The following RGL2 variants were observed in gnomAD, a reference collection of about 807,000 sequenced individuals.
RGL2 encodes ral guanine nucleotide dissociation stimulator like 2, also known as ral guanine nucleotide dissociation stimulator-like 2.
Under a neutral mutation model 84.6 loss-of-function variants are expected in RGL2, and 40 were observed. That is an observed-to-expected ratio of 0.47 (90% CI 0.37 to 0.62). The LOEUF (loss-of-function observed/expected upper bound fraction) is 0.62. Among genes scored for constraint, RGL2 ranks in the 20% least tolerant of loss-of-function variants. The probability of loss-of-function intolerance (pLI) is 0.00; values close to 1 mark genes in which losing one functional copy is unlikely to be tolerated. For missense variants in RGL2, 865 were observed against 1,019.7 expected (o/e 0.85, Z 2.07); for synonymous variants, 369 against 417.3 (o/e 0.88, Z 1.41).
chr6:33,292,663 GAA>G, intron 16 of RGL2, 119 bp from the exon 17 acceptor site: 2 of 876,982 alleles, frequency 2.3e-6, no homozygotes, highest in Non-Finnish European at 3.7e-6. Context: ...AAATGAACAG[GAA>G]AACCCAATAT....
chr6:33,299,501 G>T (rs1279751395), upstream of RGL2, among the ~76,000 whole-genome samples: 1 of 152,094 alleles, frequency 6.6e-6, no homozygotes, highest in African/African-American at 2.4e-5. This position sits in a 1 kb window ranked among gnomAD's most constrained non-coding sequence, Gnocchi z 5.0. Context: ...CGCCGAGACC[G>T]AGATCCCCGT....
upstream of RGL2, chr6:33,301,028 A>G (rs1398761766): frequency 6.6e-6 from 1 of 151,836 alleles, no homozygotes; most frequent in East Asian, 1.9e-4. Context: ...GGAGTTTTTC[A>G]GAAGCTACAT....
Position 33,294,650 on chromosome 6 carries a change from G to A in RGL2, c.1353+38C>T. On this transcript the variant is annotated intron_variant, in intron 11 of 17. Transcript: ENST00000497454. The surrounding 1 kb of genome is among the most constrained non-coding windows in gnomAD (Gnocchi z 5.0). The stretch of plus-strand genomic sequence containing the variant: ...GTCTGTCCGACCCTGCAGCCCACTT[G>A]TTACATCATTGCAATGACACACACA... 2 of 1,610,946 alleles carry A rather than the reference G, an allele frequency of 1.2e-6. No individual in the cohort carries two copies. Among genetic ancestry groups the A allele is most frequent in the Non-Finnish European group, 1.7e-6 (2 of 1,177,828 alleles).
At position 33,293,155 on chromosome 6, in the gene RGL2, G is replaced by C; in HGVS notation, c.1868C>G (p.Pro623Arg). The C allele has an allele frequency of 6.2e-7, 1 of 1,609,768 alleles. No individual in the cohort carries two copies. Residue 623 changes from proline (P) to arginine (R), a missense_variant, in exon 16 of 18, where the codon CCG becomes CGG. By Grantham distance (103) the Pro-to-Arg change is moderately radical. Coordinates refer to ENST00000497454, the MANE Select transcript of RGL2 (RefSeq NM_004761.5). The surrounding 1 kb of genome is among the most constrained non-coding windows in gnomAD (Gnocchi z 7.0). ...GHRRSASCGS[P>R]LSGGAEEASG... The stretch of plus-strand genomic sequence containing the variant: ...GGCCTCTTCTGCACCCCCACTCAGC[G>C]GGGAGCCACAGGAGGCTGAGCGGCG...
rs780789050 is a variant in RGL2 at position 33,296,320 on chromosome 6, G to A, written c.476C>T (p.Ala159Val). Residue 159 changes from alanine to valine, a missense_variant, in exon 6 of 18, where the codon GCC becomes GTC. Physicochemically the swap from Ala to Val is moderately conservative, Grantham distance 64. This residue lies in a region of RGL2 where 455 missense variants were observed against 507.8 expected (regional missense o/e 0.90). Coordinates refer to ENST00000497454, the MANE Select transcript of RGL2 (RefSeq NM_004761.5). This position sits in a 1 kb window ranked among gnomAD's most constrained non-coding sequence, Gnocchi z 5.0. ...CAGCCAGGTTGACAGTACAGAGATGGCTACCCTGGGAGAAGGGAATCAGCC... is the reference window on the plus strand; with the variant it reads ...CAGCCAGGTTGACAGTACAGAGATGACTACCCTGGGAGAAGGGAATCAGCC... The part of the protein sequence containing the change: ...TDELERTTEV[A>V]ISVLSTWLAS... 3.1e-6 allele frequency: 5 copies of A among 1,610,524 alleles called. No individual in the cohort carries two copies. The African/African-American group carries it at 6.7e-5, about 22-fold the overall frequency.
chr6:33,300,014 GGAAT>G (rs1768428672), upstream of RGL2: 1 of 153,940 alleles, frequency 6.5e-6, no homozygotes, highest in East Asian at 1.9e-4. Context: ...CGGTCTGCGG[GGAAT>G]GACGAGGCCG....
rs1384247684 is a variant in RGL2 at position 33,296,461 on chromosome 6, C to T, written c.423G>A (p.Leu141=). 6.2e-6 allele frequency: 10 copies of T among 1,608,048 alleles called. No individual in the cohort carries two copies. In the African/African-American group the frequency reaches 1.2e-4, roughly 19 times the overall value. Residue 141 remains leucine, a synonymous_variant, in exon 5 of 18, where the codon CTG becomes CTA. Coordinates refer to ENST00000497454, the MANE Select transcript of RGL2 (RefSeq NM_004761.5). The surrounding 1 kb of genome is among the most constrained non-coding windows in gnomAD (Gnocchi z 5.0). ...PALLGLMADR[L]EALESHPTDE... ...CGGTAGGATGAGATTCAAGGGCTTC[C>T]AGCCTGAGGGGGAGAAGAGGATCTA...
intron 16 of RGL2, 47 bp from the exon 17 acceptor site, chr6:33,292,591 C>A: frequency 6.8e-7 from 1 of 1,467,782 alleles, no homozygotes; most frequent in Non-Finnish European, 9.6e-7. Flanking sequence ...CCATGATTTC[C>A]CATCCTTCTA....
At position 33,293,462 on chromosome 6, in the gene RGL2, C is replaced by G. The variant is rs372750774; in HGVS notation, c.1667G>C (p.Gly556Ala). ...LVSCDRPSTG[G>A]DEAPTTPAPL... ...AGCAGGAGTTGTAGGCGCCTCATCT[C>G]CCCCAGTACTGGGCCGGTCACAGGA... Residue 556 changes from glycine (G) to alanine (A), a missense_variant, in exon 15 of 18, where the codon GGA becomes GCA. Physicochemically the swap from Gly to Ala is moderately conservative, Grantham distance 60. Coordinates refer to ENST00000497454, the MANE Select transcript of RGL2 (RefSeq NM_004761.5). The surrounding 1 kb of genome is among the most constrained non-coding windows in gnomAD (Gnocchi z 7.0). 6.2e-7 allele frequency: 1 copy of G among 1,614,070 alleles called. No homozygotes were observed. Among genetic ancestry groups the G allele is most frequent in the South Asian group, 1.1e-5 (1 of 91,074 alleles).
In RGL2 at chr6:33,295,912, A is replaced by C. The variant is rs1767899500; in HGVS notation, c.768+116T>G. 1 of 1,438,332 alleles carries C rather than the reference A, an allele frequency of 7.0e-7. No homozygotes were observed. The allele number at this position is 1,438,332 out of a possible 1,614,324, so 89.1% of individuals were successfully genotyped here. ...GGGAAAAGGGGAGAATCAAAATGGT[A>C]GGTGGAGGAGGCTAGGAGCTGGATC... On this transcript the variant is annotated intron_variant, in intron 6 of 17. Coordinates refer to ENST00000497454, the MANE Select transcript of RGL2 (RefSeq NM_004761.5). This position sits in a 1 kb window ranked among gnomAD's most constrained non-coding sequence, Gnocchi z 7.2.
chr6:33,295,954 A>C lies in RGL2; in HGVS notation c.768+74T>G. 6.4e-7 allele frequency: 1 copy of C among 1,564,614 alleles called. No homozygotes were observed. Among genetic ancestry groups the C allele is most frequent in the Non-Finnish European group, 8.8e-7 (1 of 1,141,920 alleles). The stretch of plus-strand genomic sequence containing the variant: ...AGCTGGATCAGGAAGGGGTGGAAGC[A>C]AGGAAAGGATCTGGAGTCAAGGAGA... On this transcript the variant is annotated intron_variant, in intron 6 of 17. Transcript: ENST00000497454. The surrounding 1 kb of genome is among the most constrained non-coding windows in gnomAD (Gnocchi z 7.2).
In RGL2 at chr6:33,298,617, G is replaced by A; in HGVS notation, c.-7C>T. ...GCAGGGGCCGCGGGAGCATGGCCGAGTGAAGGAATCAGCGGGGTCGGGCCA... is the reference window on the plus strand; with the variant it reads ...GCAGGGGCCGCGGGAGCATGGCCGAATGAAGGAATCAGCGGGGTCGGGCCA... On this transcript the variant is annotated 5_prime_UTR_variant, in exon 2 of 18. Coordinates refer to ENST00000497454, the MANE Select transcript of RGL2 (RefSeq NM_004761.5). The surrounding 1 kb of genome is among the most constrained non-coding windows in gnomAD (Gnocchi z 4.8). 6 of 1,446,836 alleles carry A rather than the reference G, an allele frequency of 4.1e-6. No homozygotes were observed. Among genetic ancestry groups the A allele is most frequent in the Non-Finnish European group, 5.5e-6 (6 of 1,099,360 alleles). The allele number at this position is 1,446,836 out of a possible 1,614,324, so 89.6% of individuals were successfully genotyped here. A position where few individuals can be genotyped will look rare whatever the true frequency, so the allele number is the denominator to read the frequency against.
In RGL2 at chr6:33,295,959, A is replaced by C; in HGVS notation, c.768+69T>G. The C allele has an allele frequency of 6.4e-7, 1 of 1,571,222 alleles. No individual in the cohort carries two copies. Among genetic ancestry groups the C allele is most frequent in the Non-Finnish European group, 8.7e-7 (1 of 1,147,124 alleles). On this transcript the variant is annotated intron_variant, in intron 6 of 17. Coordinates refer to ENST00000497454, the MANE Select transcript of RGL2 (RefSeq NM_004761.5). This position sits in a 1 kb window ranked among gnomAD's most constrained non-coding sequence, Gnocchi z 7.2. ...GATCAGGAAGGGGTGGAAGCAAGGA[A>C]AGGATCTGGAGTCAAGGAGAGGTTA...
At position 33,294,492 on chromosome 6, in the gene RGL2, T is replaced by C. The variant is rs1313748197; in HGVS notation, c.1353+196A>G. ...CAAATACAAATTCATTTAACCCTTATAACAGATCAATGTAGATGCTATTTC... is the reference window on the plus strand; with the variant it reads ...CAAATACAAATTCATTTAACCCTTACAACAGATCAATGTAGATGCTATTTC... On this transcript the variant is annotated intron_variant, in intron 11 of 17. Coordinates refer to ENST00000497454, the MANE Select transcript of RGL2 (RefSeq NM_004761.5). The surrounding 1 kb of genome is among the most constrained non-coding windows in gnomAD (Gnocchi z 5.0). 6.6e-6 allele frequency among the ~76,000 whole-genome samples: 1 copy of C among 152,186 alleles called. No homozygotes were observed. The highest frequency in any genetic ancestry group is 1.5e-5 in the Non-Finnish European group (1 of 68,030).
In RGL2 at chr6:33,293,954, A is replaced by T. The variant is rs941639300; in HGVS notation, c.1387-38T>A. The T allele has an allele frequency of 1.7e-5, 28 of 1,614,000 alleles. No homozygotes were observed. The highest frequency in any genetic ancestry group is 2.4e-5 in the Non-Finnish European group (28 of 1,180,030). On this transcript the variant is annotated intron_variant, in intron 12 of 17. Transcript: ENST00000497454. The surrounding 1 kb of genome is among the most constrained non-coding windows in gnomAD (Gnocchi z 7.0). ...CCTCAAACTGCAGGAGCCAAAACTC[A>T]GGGACCCCTGACTTTTCCCCCTCCC...
rs1247546762 is a variant in RGL2, at chr6:33,298,511, G to C, written c.100C>G (p.Pro34Ala). Reference sequence around the variant, plus strand: ...CCCCCGCCCACGACCAGGCCACCTGGGCCCCCACCCTCTTCGGGGTCCCGG... The same window carrying C: ...CCCCCGCCCACGACCAGGCCACCTGCGCCCCCACCCTCTTCGGGGTCCCGG... ...RSRDPEEGGG[P>A]GGLVVGGGQE... Residue 34 changes from proline (P) to alanine (A), a missense_variant, in exon 2 of 18, where the codon CCA becomes GCA. Pro to Ala is a conservative substitution (Grantham distance 27, BLOSUM62 -1). Around this residue, in one of 5 missense-constraint regions of RGL2, gnomAD observed 10 missense variants for 30.5 expected, o/e 0.33. Transcript: ENST00000497454. This position sits in a 1 kb window ranked among gnomAD's most constrained non-coding sequence, Gnocchi z 4.8. 1 of 1,526,524 alleles carries C rather than the reference G, an allele frequency of 6.6e-7. No individual in the cohort carries two copies. The highest frequency in any genetic ancestry group is 2.6e-5 in the East Asian group (1 of 38,356). 94.6% of individuals were successfully genotyped at this position (1,526,524 alleles called of 1,614,324 possible).
Position 33,295,653 on chromosome 6 carries a change from G to T in RGL2, c.875C>A (p.Thr292Lys), listed in dbSNP as rs1767876177. 1 of 1,613,992 alleles carries T rather than the reference G, an allele frequency of 6.2e-7. No individual in the cohort carries two copies. The highest frequency in any genetic ancestry group is 8.5e-7 in the Non-Finnish European group (1 of 1,180,046). ...HLCPSVRATV[T>K]QFNKVAGAVV... is the part of the protein sequence containing the mutation. ...TGCCCCTGCCACCTTGTTAAACTGT[G>T]TGACAGTAGCTCGGACAGATGGGCA... Residue 292 changes from threonine (T) to lysine (K), a missense_variant, in exon 7 of 18, where the codon ACA (threonine) becomes AAA (lysine). By Grantham distance (78) the Thr-to-Lys change is moderately conservative. This residue lies in a region of RGL2 where 455 missense variants were observed against 507.8 expected (regional missense o/e 0.90). Coordinates refer to ENST00000497454, the MANE Select transcript of RGL2 (RefSeq NM_004761.5). The surrounding 1 kb of genome is among the most constrained non-coding windows in gnomAD (Gnocchi z 7.2).
intron 16 of RGL2, 59 bp downstream of exon 16, chr6:33,292,957 C>T: frequency 6.2e-7 from 1 of 1,603,798 alleles, no homozygotes; most frequent in Admixed American, 1.7e-5. Context: ...CCTCAGACAA[C>T]ATTTATAGTC....
In RGL2 at chr6:33,295,235, C is replaced by A; in HGVS notation, c.1125-24G>T. Reference sequence around the variant, plus strand: ...CCCTGGGGAAGGGAGAAAAGTGGCCCTGAGGACAGGCCTGGCTCTGTCACC... The same window carrying A: ...CCCTGGGGAAGGGAGAAAAGTGGCCATGAGGACAGGCCTGGCTCTGTCACC... On this transcript the variant is annotated intron_variant, in intron 8 of 17. Transcript: ENST00000497454. This position sits in a 1 kb window ranked among gnomAD's most constrained non-coding sequence, Gnocchi z 7.2. The A allele has an allele frequency of 6.3e-7, 1 of 1,585,744 alleles. No individual in the cohort carries two copies. The highest frequency in any genetic ancestry group is 8.6e-7 in the Non-Finnish European group (1 of 1,164,898).
Sources: gnomAD v4.1 joint callset for allele counts (sites outside exome capture counted in the v4.1 genomes callset) on GRCh38, gnomAD v4.1.1 for gene constraint, gnomAD v4.1.1 regional missense constraint, Gnocchi (gnomAD v3.1) non-coding constraint, MANE v1.5 for transcripts, NCBI Gene and HGNC (gene_info 2026-07-23, HGNC 2026-07-21) for gene names.